COL10A1: variants seen among roughly 807,000 people sequenced by gnomAD.
COL10A1 encodes the protein collagen alpha-1(X) chain.
A neutral mutation model predicts 18.2 loss-of-function variants in COL10A1; 10 were observed. The observed-to-expected ratio is 0.55, with a 90% CI of 0.34 to 0.93. The LOEUF is 0.93. COL10A1 is among the 40% of genes least tolerant of loss of function. The pLI is 0.02. For missense variants in COL10A1, 897 were observed against 853.5 expected (o/e 1.05, Z -0.64); for synonymous variants, 330 against 316.6 (o/e 1.04, Z -0.45).
At chr6:116,197,607 G>A in the COL10A1 span, among the ~76,000 whole-genome samples, 4 of 151,960 alleles carry the variant, frequency 2.6e-5, no homozygotes, top group African/African-American at 7.2e-5. Flanking sequence ...CCCAAATGTC[G>A]GAGTTAGACT....
At chr6:116,152,340 A>G (rs998136800) in intron 1 of COL10A1, among the ~76,000 whole-genome samples, 1 of 152,130 alleles carries the variant, frequency 6.6e-6, no homozygotes, top group Non-Finnish European at 1.5e-5. Flanking sequence ...TTTAACTCCC[A>G]TTCCTTTCTT....
chr6:116,163,141 A>AAAAAAAATATATATAT (rs761718922), upstream of COL10A1, among the ~76,000 whole-genome samples: 7 of 88,384 alleles, frequency 7.9e-5, no homozygotes, highest in African/African-American at 4.0e-4. Context: ...AAAAAAAAAA[A>AAAAAAAATATATATAT]ATATATATAT....
chr6:116,151,097 A>G (rs1485136635), intron 1 of COL10A1, among the ~76,000 whole-genome samples: 1 of 152,062 alleles, frequency 6.6e-6, no homozygotes, highest in African/African-American at 2.4e-5. Flanking sequence ...CTCAGGGATT[A>G]GAATTTGCAG....
At chr6:116,195,923 G>A in the COL10A1 span, among the ~76,000 whole-genome samples, 4 of 152,026 alleles carry the variant, frequency 2.6e-5, no homozygotes, top group Non-Finnish European at 4.4e-5. Context: ...TGGAGATGGA[G>A]AGAGATTCCT....
the COL10A1 span, among the ~76,000 whole-genome samples, chr6:116,178,285 G>A: frequency 1.3e-5 from 2 of 152,112 alleles, no homozygotes; most frequent in Non-Finnish European, 2.9e-5. Flanking sequence ...ACCCTGCTTC[G>A]CTTCTGAGAT....
chr6:116,195,691 AT>A, the COL10A1 span, among the ~76,000 whole-genome samples: 2 of 152,054 alleles, frequency 1.3e-5, no homozygotes, highest in African/African-American at 4.8e-5. Flanking sequence ...TCTTTAGAAT[AT>A]GGTAGACTCT....
At chr6:116,214,010 C>T in the COL10A1 span, among the ~76,000 whole-genome samples, 1 of 152,080 alleles carries the variant, frequency 6.6e-6, no homozygotes, top group African/African-American at 2.4e-5. Context: ...TATAGGCACA[C>T]ATCACTGTGC....
the COL10A1 span, among the ~76,000 whole-genome samples, chr6:116,186,062 T>C: frequency 6.6e-6 from 1 of 152,224 alleles, no homozygotes; most frequent in East Asian, 1.9e-4. Context: ...AGTTCTCTTT[T>C]GGTAATGGCA....
chr6:116,138,876 T>C (rs184560824), intron 1 of COL10A1, among the ~76,000 whole-genome samples: 3 of 152,290 alleles, frequency 2.0e-5, no homozygotes, highest in Admixed American at 2.0e-4. Flanking sequence ...TTTTCAGTCT[T>C]GCTTTTGGTT....
chr6:116,125,591 T>C (rs1779278042), intron 1 of COL10A1, 84 bp from the exon 2 acceptor site: 3 of 1,187,018 alleles, frequency 2.5e-6, no homozygotes, highest in Admixed American at 3.9e-5. Context: ...GAGTTCTTTA[T>C]ACAGTTATCT....
chr6:116,139,099 A>C (rs62414125), intron 1 of COL10A1, among the ~76,000 whole-genome samples: 11,240 of 152,192 alleles, frequency 0.074, 603 homozygotes, highest in Admixed American at 0.17. Flanking sequence ...GATTTATAGC[A>C]CAACTATTAA....
At chr6:116,174,196 C>G in the COL10A1 span, among the ~76,000 whole-genome samples, 1 of 152,180 alleles carries the variant, frequency 6.6e-6, no homozygotes, top group South Asian at 2.1e-4. Context: ...CCATGTTTCT[C>G]TACTGTAAAG....
At position 116,121,137 on chromosome 6, in the gene COL10A1, G is replaced by A; in HGVS notation, c.979C>T (p.Pro327Ser). Residue 327 changes from proline to serine, a missense_variant, in exon 3 of 3, where the codon CCA becomes TCA. Transcript: ENST00000651968. ...CCTGGCTTCCCAGGAAGACCTGCTG[G>A]CCCTTGTTCCCCTTTGGCACCTGGA... ...GGPGAKGEQG[P>S]AGLPGKPGLT... 3 of 1,613,418 alleles carry A rather than the reference G, an allele frequency of 1.9e-6. No individual in the cohort carries two copies. Among genetic ancestry groups the A allele is most frequent in the Non-Finnish European group, 2.5e-6 (3 of 1,179,672 alleles).
intron 1 of COL10A1, among the ~76,000 whole-genome samples, chr6:116,139,564 T>C (rs553037718): frequency 1.4e-4 from 22 of 152,176 alleles, no homozygotes; most frequent in Non-Finnish European, 2.9e-4. Flanking sequence ...AATAAGTGTA[T>C]TGGAATATTA....
At chr6:116,178,086 TGTGCGCGCGCGCGCGCGTGCGTGC>T in the COL10A1 span, among the ~76,000 whole-genome samples, 5 of 77,552 alleles carry the variant, frequency 6.4e-5, no homozygotes, top group African/African-American at 1.8e-4. Flanking sequence ...TGTGTGTGTG[TGTGCGCGCGCGCGCGCGTGCGTGC>T]GTGTGTGTGT....
intron 1 of COL10A1, among the ~76,000 whole-genome samples, chr6:116,157,093 G>T (rs1414325552): frequency 6.6e-6 from 1 of 152,182 alleles, no homozygotes; most frequent in Non-Finnish European, 1.5e-5. Flanking sequence ...GTCTTGGGCT[G>T]CAATTACATG....
chr6:116,163,957 G>A, the COL10A1 span, among the ~76,000 whole-genome samples: 866 of 152,196 alleles, frequency 5.7e-3, 17 homozygotes, highest in South Asian at 0.046. Flanking sequence ...TATTCTGAGA[G>A]GATACCTGAT....
the COL10A1 span, among the ~76,000 whole-genome samples, chr6:116,190,483 G>A: frequency 3.3e-5 from 5 of 152,030 alleles, no homozygotes; most frequent in East Asian, 1.9e-4. Flanking sequence ...AGAAGTTAGC[G>A]GCAGTGGTAT....
chr6:116,131,402 T>C (rs1371021329), intron 1 of COL10A1, among the ~76,000 whole-genome samples: 2 of 152,204 alleles, frequency 1.3e-5, no homozygotes, highest in African/African-American at 4.8e-5. Flanking sequence ...AAATGTATTA[T>C]TCATTTATAT....
Sources: allele counts gnomAD v4.1 joint callset (sites outside exome capture counted in the v4.1 genomes callset), GRCh38; gene constraint gnomAD v4.1.1; transcripts MANE v1.5; gene names NCBI Gene and HGNC (gene_info 2026-07-23, HGNC 2026-07-21).